GPHN: variants seen among roughly 807,000 people sequenced by gnomAD.
The protein encoded by GPHN is gephyrin.
A neutral mutation model predicts 95.5 loss-of-function variants in GPHN; 17 were observed. That is an observed-to-expected ratio of 0.18 (90% CI 0.12 to 0.27). GPHN has a LOEUF of 0.27. Ranked by LOEUF, GPHN falls within the 10% of genes least tolerant of loss-of-function variation. The pLI, the probability that GPHN is intolerant of heterozygous loss-of-function variation, is 1.00. For missense variants in GPHN, 660 were observed against 978.1 expected, an observed-to-expected ratio of 0.67 and a Z score of 4.34; for synonymous variants, 320 against 322.5, an observed-to-expected ratio of 0.99 and a Z score of 0.08.
chr14:67,121,778 T>A (rs146532598), intron 16 of GPHN, among the ~76,000 whole-genome samples: 1 of 152,262 alleles, frequency 6.6e-6, no homozygotes, highest in East Asian at 1.9e-4. Flanking sequence ...AAGCTTAGCT[T>A]CTTTGATACT....
the GPHN span, among the ~76,000 whole-genome samples, chr14:67,662,155 C>G: frequency 7.1e-6 from 1 of 141,706 alleles, no homozygotes; most frequent in African/African-American, 2.7e-5. Flanking sequence ...GACTCTGTCT[C>G]AAAACAAACA....
the GPHN span, among the ~76,000 whole-genome samples, chr14:67,448,120 C>CTTTT: frequency 3.6e-4 from 13 of 36,078 alleles, 3 homozygotes; most frequent in African/African-American, 1.2e-3. Context: ...ATAGCCCATT[C>CTTTT]TTTTTTTTTT....
At chr14:67,338,464 TC>T in the GPHN span, 8 of 773,170 alleles carry the variant, frequency 1.0e-5, no homozygotes, top group Non-Finnish European at 1.4e-5. Flanking sequence ...AAATTATGAT[TC>T]TGCAAAAGTA....
intron 1 of GPHN, among the ~76,000 whole-genome samples, chr14:66,646,268 C>T (rs2064738686): frequency 6.6e-6 from 1 of 152,042 alleles, no homozygotes; most frequent in Non-Finnish European, 1.5e-5. Context: ...CCTCACACAC[C>T]TAAGAATGGC....
chr14:66,850,786 T>C (rs1184152958), intron 4 of GPHN, among the ~76,000 whole-genome samples: 1 of 152,158 alleles, frequency 6.6e-6, no homozygotes, highest in African/African-American at 2.4e-5. Context: ...CAGGTTGTGC[T>C]GGAGGCTGCG....
At chr14:67,061,656 C>G (rs2075826899) in intron 11 of GPHN, among the ~76,000 whole-genome samples, 1 of 152,082 alleles carries the variant, frequency 6.6e-6, no homozygotes, top group Non-Finnish European at 1.5e-5. Context: ...CTTATTCTCT[C>G]TTACCTCTAA....
the GPHN span, among the ~76,000 whole-genome samples, chr14:67,552,510 G>A: frequency 6.6e-6 from 1 of 152,218 alleles, no homozygotes; most frequent in Admixed American, 6.5e-5. Flanking sequence ...GCTCACGCCT[G>A]TAATTCCAGC....
chr14:67,099,600 A>G (rs2077584495), intron 12 of GPHN, among the ~76,000 whole-genome samples: 1 of 151,928 alleles, frequency 6.6e-6, no homozygotes, highest in African/African-American at 2.4e-5. Context: ...TAATATCTGT[A>G]AAGCATAAAA....
At chr14:67,357,829 G>A in the GPHN span, among the ~76,000 whole-genome samples, 1 of 152,160 alleles carries the variant, frequency 6.6e-6, no homozygotes, top group Non-Finnish European at 1.5e-5. Context: ...ATACTACCTG[G>A]CAATTAGTAA....
intron 1 of GPHN, among the ~76,000 whole-genome samples, chr14:66,584,030 C>G (rs534993324): frequency 4.6e-5 from 7 of 152,192 alleles, no homozygotes; most frequent in East Asian, 3.9e-4. Context: ...ATGGAATGTT[C>G]TTCCATTTGT....
At chr14:66,555,492 G>GCC (rs202245141) in intron 1 of GPHN, among the ~76,000 whole-genome samples, 5 of 151,834 alleles carry the variant, frequency 3.3e-5, no homozygotes. Flanking sequence ...TCCTATGATT[G>GCC]CCCCCCCGCA....
the GPHN span, chr14:67,581,792 T>C: frequency 2.6e-6 from 1 of 385,250 alleles, no homozygotes; most frequent in South Asian, 2.7e-5. Flanking sequence ...CCCTAATCTA[T>C]AACTCCAGGT....
chr14:66,953,638 G>C (rs1364403822), intron 8 of GPHN, among the ~76,000 whole-genome samples: 1 of 152,146 alleles, frequency 6.6e-6, no homozygotes, highest in Non-Finnish European at 1.5e-5. Flanking sequence ...TATAAAGTTA[G>C]GAGTGCTTAT....
chr14:67,599,209 GGGAT>G, the GPHN span, among the ~76,000 whole-genome samples: 25 of 152,302 alleles, frequency 1.6e-4, no homozygotes, highest in African/African-American at 2.6e-4. Flanking sequence ...GATCACTTCT[GGGAT>G]AATACATTCA....
the GPHN span, chr14:67,587,486 T>C: frequency 1.9e-6 from 1 of 516,424 alleles, no homozygotes; most frequent in East Asian, 3.6e-5. Flanking sequence ...TGACTCCAGA[T>C]GCTACCTGAT....
chr14:67,345,809 C>T, the GPHN span: 1 of 1,614,122 alleles, frequency 6.2e-7, no homozygotes, highest in Non-Finnish European at 8.5e-7. Context: ...ACTGCTTTGG[C>T]ATAATTCCTC....
intron 1 of GPHN, among the ~76,000 whole-genome samples, chr14:66,632,967 T>C (rs2063901488): frequency 6.6e-6 from 1 of 152,226 alleles, no homozygotes; most frequent in Non-Finnish European, 1.5e-5. Context: ...TCAAAGACTA[T>C]TACCATTCTT....
chr14:67,025,421 G>A (rs1268887914), intron 10 of GPHN, among the ~76,000 whole-genome samples: 1 of 152,122 alleles, frequency 6.6e-6, no homozygotes. Context: ...CCTGGTCATT[G>A]ATCAACCTAT....
the GPHN span, chr14:67,317,032 A>G: frequency 1.8e-5 from 12 of 651,804 alleles, no homozygotes; most frequent in Non-Finnish European, 3.2e-5. Flanking sequence ...AAAACTGATT[A>G]TCTCAGAACT....
Sources: gnomAD v4.1 joint callset for allele counts (sites outside exome capture counted in the v4.1 genomes callset) on GRCh38, gnomAD v4.1.1 for gene constraint, MANE v1.5 for transcripts, NCBI Gene and HGNC (gene_info 2026-07-23, HGNC 2026-07-21) for gene names.